The following PRR5L variants were observed in gnomAD, a reference collection of about 807,000 sequenced individuals.
PRR5L encodes proline rich 5 like.
In PRR5L, 21 loss-of-function variants were observed where a neutral mutation model predicts 36.4. That is an observed-to-expected ratio of 0.58 (90% confidence interval 0.41 to 0.83). The LOEUF is 0.83. Ranked by LOEUF, PRR5L falls within the 40% of genes least tolerant of loss-of-function variation. The pLI is 0.00. For missense variants in PRR5L, 381 were observed against 473.3 expected, an observed-to-expected ratio of 0.80 and a Z score of 1.81; for synonymous variants, 188 against 197.0, an observed-to-expected ratio of 0.95 and a Z score of 0.38.
intron 1 of PRR5L, among the ~76,000 whole-genome samples, chr11:36,314,740 G>A (rs922295225): frequency 1.3e-4 from 20 of 152,218 alleles, no homozygotes; most frequent in African/African-American, 4.1e-4. Context: ...ATTGATGTAT[G>A]AAGACGGCGC....
intron 1 of PRR5L, among the ~76,000 whole-genome samples, chr11:36,300,612 A>C (rs990248538): frequency 5.3e-5 from 8 of 152,152 alleles, no homozygotes; most frequent in African/African-American, 1.9e-4. Context: ...GAGGTACTTA[A>C]CCTAAAGATG....
At chr11:36,351,449 TTATATATTTATATATTTATATATACA>T (rs1856950766) in intron 1 of PRR5L, among the ~76,000 whole-genome samples, 2 of 40,928 alleles carry the variant, frequency 4.9e-5, no homozygotes, top group African/African-American at 1.0e-4. Flanking sequence ...ACATATATAT[TTATATATTTATATATTTATATATACA>T]TATATATTTA....
At chr11:36,400,811 A>T (rs991070345) in intron 1 of PRR5L, among the ~76,000 whole-genome samples, 186 bp from the exon 2 acceptor site, 3 of 152,138 alleles carry the variant, frequency 2.0e-5, no homozygotes, top group Non-Finnish European at 4.4e-5. Flanking sequence ...CTTGAGGGTG[A>T]CCACACTGTT....
rs182529129 is a variant in PRR5L, at chr11:36,303,053, C to T, written c.-126+6615C>T. ...ATCCTGGCTCCAGAGCCCACGCTGC[C>T]CTAATCGCAAGGCAACACTGCCTCT... On this transcript the variant is annotated intron_variant, in intron 1 of 8. Transcript: ENST00000530639. Among the ~76,000 whole-genome samples, 396 of 152,236 alleles carry T rather than the reference C, an allele frequency of 2.6e-3. 3 individuals carry two copies. The highest frequency in any genetic ancestry group is 9.3e-3 in the African/African-American group (387 of 41,538).
chr11:36,321,476 A>G (rs1487766475), intron 1 of PRR5L: 1 of 152,228 alleles, frequency 6.6e-6, no homozygotes, highest in Non-Finnish European at 1.5e-5. Flanking sequence ...TCATGAATCC[A>G]CTGCAGAAAG....
chr11:36,448,576 T>C (rs933484133), intron 7 of PRR5L, among the ~76,000 whole-genome samples: 3 of 152,148 alleles, frequency 2.0e-5, no homozygotes, highest in Admixed American at 2.0e-4. Flanking sequence ...AGCATAGTCT[T>C]TGGCACATAA....
At chr11:36,296,895 G>A (rs531918987) in intron 1 of PRR5L, among the ~76,000 whole-genome samples, 38 of 152,152 alleles carry the variant, frequency 2.5e-4, no homozygotes, top group Non-Finnish European at 4.9e-4. Flanking sequence ...TGCGCTTTTC[G>A]TCATCATGCC....
chr11:36,417,986 A>G (rs1858182513), intron 3 of PRR5L, among the ~76,000 whole-genome samples: 1 of 152,228 alleles, frequency 6.6e-6, no homozygotes, highest in African/African-American at 2.4e-5. Context: ...AATAGTATGG[A>G]TAGTTCCATT....
At chr11:36,431,759 A>G in intron 4 of PRR5L, 94 bp from the exon 5 acceptor site, 1 of 1,164,856 alleles carries the variant, frequency 8.6e-7, no homozygotes. Context: ...AGTGCCTAGA[A>G]CTCTGTGCCC....
chr11:36,358,860 A>G (rs921245492), intron 1 of PRR5L, among the ~76,000 whole-genome samples: 4 of 152,230 alleles, frequency 2.6e-5, no homozygotes, highest in African/African-American at 9.6e-5. Flanking sequence ...AAGATACTTC[A>G]TACATCTGGG....
In PRR5L at chr11:36,312,150, A is replaced by G. The variant is rs1275834003; in HGVS notation, c.-126+15712A>G. Reference sequence around the variant, plus strand: ...GTGGCAGAGAGAATTTTTACTGAATACCGTTTTTTGAGAAGCACGTAAATA... The same window carrying G: ...GTGGCAGAGAGAATTTTTACTGAATGCCGTTTTTTGAGAAGCACGTAAATA... On this transcript the variant is annotated intron_variant, in intron 1 of 8. Transcript: ENST00000530639. 2.6e-5 allele frequency among the ~76,000 whole-genome samples: 4 copies of G among 152,110 alleles called. No homozygotes were observed. In the East Asian group the frequency reaches 7.7e-4, roughly 29 times the overall value.
At chr11:36,373,705 C>T (rs1466389169) in intron 1 of PRR5L, among the ~76,000 whole-genome samples, 3 of 148,966 alleles carry the variant, frequency 2.0e-5, no homozygotes, top group African/African-American at 7.8e-5. Context: ...TCCTTCAATA[C>T]TTTTTTATGG....
intron 1 of PRR5L, among the ~76,000 whole-genome samples, chr11:36,312,728 G>A (rs1184380766): frequency 2.0e-5 from 3 of 152,244 alleles, no homozygotes; most frequent in Non-Finnish European, 2.9e-5. Flanking sequence ...CTATTATGAA[G>A]TATAACATAC....
chr11:36,451,459 T>A, intron 8 of PRR5L, 124 bp downstream of exon 8: 1 of 1,219,910 alleles, frequency 8.2e-7, no homozygotes, highest in Non-Finnish European at 1.1e-6. Flanking sequence ...GCCTTTTGCT[T>A]CCTGTGCGGG....
intron 1 of PRR5L, among the ~76,000 whole-genome samples, chr11:36,316,592 C>T (rs898878853): frequency 6.6e-6 from 1 of 151,948 alleles, no homozygotes; most frequent in East Asian, 1.9e-4. Context: ...TGGGTCAGAT[C>T]ACAGAACTGG....
Position 36,374,153 on chromosome 11 carries a change from G to A in PRR5L, c.-125-26844G>A, listed in dbSNP as rs115514733. Among the ~76,000 whole-genome samples, 1,453 of 149,002 alleles carry A rather than the reference G, an allele frequency of 9.8e-3. 20 individuals carry two copies. Among genetic ancestry groups the A allele is most frequent in the African/African-American group, 0.034 (1,370 of 40,130 alleles). On this transcript the variant is annotated intron_variant, in intron 1 of 8. Coordinates refer to ENST00000530639, the MANE Select transcript of PRR5L (RefSeq NM_001160167.2). ...TTCTTTGTCTTGCTCTGTCTCCCAG[G>A]CTGGAGTGCAGTGCTCACTATATCC...
intron 1 of PRR5L, among the ~76,000 whole-genome samples, chr11:36,322,064 C>T (rs1288182324): frequency 2.0e-5 from 3 of 152,190 alleles, no homozygotes; most frequent in Non-Finnish European, 4.4e-5. Flanking sequence ...GGGATGTAAT[C>T]AACCCATAAC....
chr11:36,424,960 T>A (rs187668031), intron 4 of PRR5L, among the ~76,000 whole-genome samples: 122 of 152,314 alleles, frequency 8.0e-4, no homozygotes, highest in African/African-American at 2.8e-3. Context: ...TAGTTGGGAT[T>A]ACAGGCGCAC....
intron 1 of PRR5L, among the ~76,000 whole-genome samples, chr11:36,373,730 G>A (rs907741326): frequency 2.1e-5 from 3 of 143,126 alleles, no homozygotes; most frequent in Non-Finnish European, 4.4e-5. Context: ...CTCGTATGTT[G>A]TGAATACTTC....
Sources: gnomAD v4.1 joint callset for allele counts (sites outside exome capture counted in the v4.1 genomes callset) on GRCh38, gnomAD v4.1.1 for gene constraint, MANE v1.5 for transcripts, NCBI Gene and HGNC (gene_info 2026-07-23, HGNC 2026-07-21) for gene names.